PCDHA11: variants seen among roughly 807,000 people sequenced by gnomAD.
PCDHA11 encodes the protein protocadherin alpha-11.
PCDHA11 carries 61 observed loss-of-function variants against 70.3 expected under a neutral mutation model. The ratio of observed to expected loss-of-function variants is 0.87; its 90% CI spans 0.71 to 1.07. The LOEUF is 1.07. PCDHA11 is among the 50% of genes least tolerant of loss of function. The pLI, the probability that PCDHA11 is intolerant of heterozygous loss-of-function variation, is 0.00. For synonymous variants in PCDHA11, 633 were observed against 555.1 expected, an observed-to-expected ratio of 1.14 and a Z score of -1.97; for missense variants, 1,324 against 1,237.5, an observed-to-expected ratio of 1.07 and a Z score of -1.05.
intron 1 of PCDHA11, chr5:140,967,365 T>G: frequency 6.2e-7 from 1 of 1,607,630 alleles, no homozygotes; most frequent in Non-Finnish European, 8.5e-7. Flanking sequence ...CTTAAGCCCC[T>G]GCAGGAGAAC....
intron 1 of PCDHA11, among the ~76,000 whole-genome samples, chr5:140,938,157 G>A (rs532966795): frequency 6.6e-6 from 1 of 151,904 alleles, no homozygotes; most frequent in East Asian, 1.9e-4. Context: ...CATTGCCCAG[G>A]CTAGTCTGGA....
At chr5:141,000,393 CTCTATATATA>C (rs1279908183) in intron 3 of PCDHA11, among the ~76,000 whole-genome samples, 25 of 52,852 alleles carry the variant, frequency 4.7e-4, no homozygotes, top group South Asian at 8.2e-4. Flanking sequence ...CTCTCTCTCT[CTCTATATATA>C]TATATATATA....
Position 140,871,296 on chromosome 5 carries a change from C to A in PCDHA11, c.2193C>A (p.Cys731Ter). ...WWSATPTEGA[C>*]APGKPTLVCS... ...CGGCAACGCCCACTGAGGGCGCGTG[C>A]GCGCCGGGGAAGCCCACGCTGGTGT... The change falls in exon 1 of 4, where the codon TGC (cysteine) becomes TGA (stop). Residue 731 changes from cysteine (C) to a stop codon, truncating the protein, a stop_gained. Coordinates refer to ENST00000398640, the MANE Select transcript of PCDHA11 (RefSeq NM_018902.5). LOFTEE classifies it high-confidence loss of function. 7 of 1,613,892 alleles carry A rather than the reference C, an allele frequency of 4.3e-6. No homozygotes were observed. The South Asian group carries it at 4.4e-5, about 10-fold the overall frequency.
chr5:140,967,030 C>T, intron 1 of PCDHA11: 1 of 1,609,320 alleles, frequency 6.2e-7, no homozygotes, highest in Non-Finnish European at 8.5e-7. Flanking sequence ...CCAGTCCGCG[C>T]TACCTGGAGC....
In PCDHA11 at chr5:140,945,865, A is replaced by T. The variant is rs184952981; in HGVS notation, c.2392-33084A>T. ...ATTAAAGACTTAAACATAGACCTGAAATTGTAAAACTAACAAAGAAAACAC... is the reference window on the plus strand; with the variant it reads ...ATTAAAGACTTAAACATAGACCTGATATTGTAAAACTAACAAAGAAAACAC... On this transcript the variant is annotated intron_variant, in intron 1 of 3. Coordinates refer to ENST00000398640, the MANE Select transcript of PCDHA11 (RefSeq NM_018902.5). Among the ~76,000 whole-genome samples, 23 of 152,290 alleles carry T rather than the reference A, an allele frequency of 1.5e-4. No individual in the cohort carries two copies. The East Asian group carries it at 4.2e-3, about 28-fold the overall frequency.
At chr5:140,876,251 G>T in intron 1 of PCDHA11, 1 of 1,614,008 alleles carries the variant, frequency 6.2e-7, no homozygotes, top group South Asian at 1.1e-5. Context: ...AACGACACAA[G>T]AGTGATCCAA....
At chr5:140,914,097 A>G (rs191641220) in intron 1 of PCDHA11, among the ~76,000 whole-genome samples, 38 of 152,298 alleles carry the variant, frequency 2.5e-4, no homozygotes, top group Admixed American at 9.2e-4. Flanking sequence ...AATTTGTTCT[A>G]TAGTGCAGAT....
At chr5:140,962,223 A>G (rs951247075) in intron 1 of PCDHA11, among the ~76,000 whole-genome samples, 8 of 152,160 alleles carry the variant, frequency 5.3e-5, no homozygotes, top group Admixed American at 3.9e-4. Flanking sequence ...CTTGAGGTTC[A>G]AGTTTCACTT....
intron 1 of PCDHA11, chr5:140,968,991 G>A: frequency 6.2e-7 from 1 of 1,614,208 alleles, no homozygotes; most frequent in East Asian, 2.2e-5. Context: ...ACTGCATGCT[G>A]TGGAGGCTTC....
chr5:140,875,961 C>G, intron 1 of PCDHA11: 1 of 1,614,004 alleles, frequency 6.2e-7, no homozygotes, highest in Non-Finnish European at 8.5e-7. Flanking sequence ...CGGATATCGG[C>G]GTAAACTCTC....
At chr5:140,970,271 G>A (rs1395602971) in intron 1 of PCDHA11, among the ~76,000 whole-genome samples, 1 of 152,200 alleles carries the variant, frequency 6.6e-6, no homozygotes, top group Non-Finnish European at 1.5e-5. Context: ...TTGATGAGAT[G>A]TAAAGTAGCC....
In PCDHA11 at chr5:140,868,957, A is replaced by G. The variant is rs2050760003; in HGVS notation, c.-147A>G. On this transcript the variant is annotated 5_prime_UTR_variant, in exon 1 of 4. Coordinates refer to ENST00000398640, the MANE Select transcript of PCDHA11 (RefSeq NM_018902.5). ...TTGGTCTGAACAGTGAGGCACTCCCATACAAAGGAACTCCATCATACCGGA... is the reference window on the plus strand; with the variant it reads ...TTGGTCTGAACAGTGAGGCACTCCCGTACAAAGGAACTCCATCATACCGGA... 1.4e-6 allele frequency: 2 copies of G among 1,389,232 alleles called. No individual in the cohort carries two copies. Among genetic ancestry groups the G allele is most frequent in the East Asian group, 2.3e-5 (1 of 42,730 alleles). The allele number at this position is 1,389,232 out of a possible 1,614,324, so 86.1% of individuals were successfully genotyped here. A position where few individuals can be genotyped will look rare whatever the true frequency, so the allele number is the denominator to read the frequency against.
Position 140,869,548 on chromosome 5 carries a change from G to C in PCDHA11, c.445G>C (p.Asp149His), listed in dbSNP as rs2051232334. 1.2e-6 allele frequency: 2 copies of C among 1,614,084 alleles called. No individual in the cohort carries two copies. The highest frequency in any genetic ancestry group is 2.7e-5 in the African/African-American group (2 of 74,928). ...KLLIAESKQS[D>H]SRFPLEGASD... ...GCTGATTGCGGAATCTAAGCAATCG[G>C]ACTCGCGTTTTCCACTAGAGGGAGC... The change falls in exon 1 of 4, where the codon GAC becomes CAC. Residue 149 changes from aspartate to histidine, a missense_variant. Asp to His is a moderately conservative substitution (Grantham distance 81). Coordinates refer to ENST00000398640, the MANE Select transcript of PCDHA11 (RefSeq NM_018902.5).
intron 1 of PCDHA11, among the ~76,000 whole-genome samples, chr5:140,960,521 A>C (rs950989969): frequency 9.9e-5 from 15 of 152,162 alleles, no homozygotes; most frequent in Non-Finnish European, 1.5e-5. Context: ...CATAATGGGT[A>C]TAGGAAAGAG....
intron 1 of PCDHA11, among the ~76,000 whole-genome samples, chr5:140,902,390 A>G (rs1051277099): frequency 2.6e-5 from 4 of 151,960 alleles, no homozygotes; most frequent in Admixed American, 1.3e-4. Flanking sequence ...TAAGAGTACT[A>G]TGTTGAATAC....
intron 1 of PCDHA11, chr5:140,968,494 C>G (rs782064203): frequency 1.2e-6 from 2 of 1,614,096 alleles, no homozygotes; most frequent in South Asian, 2.2e-5. Flanking sequence ...ATGACCATGC[C>G]CCTCACATTC....
In PCDHA11 at chr5:141,010,024, T is replaced by A; in HGVS notation, c.*87T>A. 7.6e-6 allele frequency: 12 copies of A among 1,572,358 alleles called. No individual in the cohort carries two copies. Among genetic ancestry groups the A allele is most frequent in the Non-Finnish European group, 1.0e-5 (12 of 1,163,296 alleles). On this transcript the variant is annotated 3_prime_UTR_variant, in exon 4 of 4. Coordinates refer to ENST00000398640, the MANE Select transcript of PCDHA11 (RefSeq NM_018902.5). ...GTAGCAATTCCCTGCTCCTTTTTCC[T>A]ATCTACATGAGCCCTCTTAGAGACC...
chr5:140,930,377 T>C (rs1480359985), intron 1 of PCDHA11: 1 of 152,198 alleles, frequency 6.6e-6, no homozygotes, highest in Non-Finnish European at 1.5e-5. Flanking sequence ...TAGTGGCCCT[T>C]GGCATTTCAA....
chr5:141,008,597 C>T (rs1485271666), intron 3 of PCDHA11, among the ~76,000 whole-genome samples: 1 of 152,224 alleles, frequency 6.6e-6, no homozygotes, highest in East Asian at 1.9e-4. Flanking sequence ...GATTTCACCT[C>T]CTCTGGAACC....
Sources: gnomAD v4.1 joint callset for allele counts (sites outside exome capture counted in the v4.1 genomes callset) on GRCh38, gnomAD v4.1.1 for gene constraint, MANE v1.5 for transcripts, NCBI Gene and HGNC (gene_info 2026-07-23, HGNC 2026-07-21) for gene names.